The following PDZD2 variants were observed in gnomAD, a reference collection of about 807,000 sequenced individuals.
PDZD2 encodes PDZ domain-containing protein 2.
PDZD2 carries 90 observed loss-of-function variants against 220.7 expected under a neutral mutation model. That is an observed-to-expected ratio of 0.41 (90% confidence interval 0.34 to 0.49). PDZD2 has a LOEUF of 0.49. PDZD2 is among the 20% of genes least tolerant of loss of function. PDZD2 has a pLI of 0.28. For synonymous variants in PDZD2, 1,375 were observed against 1,450.5 expected, an observed-to-expected ratio of 0.95 and a Z score of 1.18; for missense variants, 3,174 against 3,608.5, an observed-to-expected ratio of 0.88 and a Z score of 3.08.
At chr5:32,107,340 T>TTA (rs1186269976) in intron 24 of PDZD2, 1 of 152,208 alleles carries the variant, frequency 6.6e-6, no homozygotes, top group Non-Finnish European at 1.5e-5. Context: ...CCAGAATCTG[T>TTA]TAACAATTAG....
At chr5:32,091,264 C>A (rs2111565152) in intron 20 of PDZD2, 89 bp downstream of exon 20, 2 of 814,956 alleles carry the variant, frequency 2.5e-6, no homozygotes, top group Non-Finnish European at 3.6e-6. Context: ...AAAGATAATG[C>A]AGAGTTCCCA....
At chr5:31,907,941 G>C (rs567615435) in intron 2 of PDZD2, among the ~76,000 whole-genome samples, 1 of 152,078 alleles carries the variant, frequency 6.6e-6, no homozygotes, top group South Asian at 2.1e-4. Flanking sequence ...AAATTAGCCA[G>C]GCATGGTGGT....
intron 1 of PDZD2, among the ~76,000 whole-genome samples, chr5:31,648,368 C>T (rs568730791): frequency 5.3e-5 from 8 of 152,236 alleles, no homozygotes; most frequent in South Asian, 4.1e-4. Context: ...TAGTTCTTTC[C>T]TTCTCCTCCT....
chr5:32,062,950 C>T (rs925683558), intron 14 of PDZD2, among the ~76,000 whole-genome samples: 1 of 151,924 alleles, frequency 6.6e-6, no homozygotes, highest in South Asian at 2.1e-4. Flanking sequence ...CTTGAGCCAA[C>T]GGACATAGTA....
chr5:32,074,678 G>C, intron 18 of PDZD2, 35 bp downstream of exon 18: 2 of 1,410,622 alleles, frequency 1.4e-6, no homozygotes, highest in Non-Finnish European at 2.0e-6. Context: ...TGGAATGGAA[G>C]TGCATGAATA....
intron 2 of PDZD2, among the ~76,000 whole-genome samples, chr5:31,943,853 A>G (rs1485662717): frequency 2.0e-5 from 3 of 152,236 alleles, no homozygotes; most frequent in African/African-American, 7.2e-5. Flanking sequence ...CTAGAAGGGA[A>G]GAAAACTGAA....
At chr5:31,921,210 A>G (rs1460352461) in intron 2 of PDZD2, among the ~76,000 whole-genome samples, 1 of 152,238 alleles carries the variant, frequency 6.6e-6, no homozygotes, top group East Asian at 1.9e-4. Flanking sequence ...AGGATTTGTT[A>G]TCAGGCAGAT....
intron 2 of PDZD2, among the ~76,000 whole-genome samples, chr5:31,891,976 T>G (rs2150348778): frequency 6.6e-6 from 1 of 152,162 alleles, no homozygotes; most frequent in East Asian, 1.9e-4. Flanking sequence ...AGTAGTGCGA[T>G]CATAGCTCAC....
chr5:31,682,438 G>A (rs2150123799), intron 1 of PDZD2, among the ~76,000 whole-genome samples: 1 of 152,210 alleles, frequency 6.6e-6, no homozygotes, highest in South Asian at 2.1e-4. Context: ...TGGGAGAAGT[G>A]GAATGGTACA....
At chr5:31,823,012 T>C (rs950925927) in intron 2 of PDZD2, 18 of 1,187,610 alleles carry the variant, frequency 1.5e-5, no homozygotes, top group African/African-American at 6.1e-5. Flanking sequence ...GAGTTCTACG[T>C]TGATGTGATT....
chr5:31,763,878 A>T (rs1456954773), intron 1 of PDZD2, among the ~76,000 whole-genome samples: 1 of 152,108 alleles, frequency 6.6e-6, no homozygotes, highest in East Asian at 1.9e-4. Flanking sequence ...ATTAAAAAAA[A>T]AAAAAAAAAA....
In PDZD2 at chr5:31,799,023, C is replaced by T; in HGVS notation, c.-226C>T. The T allele has an allele frequency of 1.9e-6, 1 of 531,348 alleles. No individual in the cohort carries two copies. The highest frequency in any genetic ancestry group is 3.1e-5 in the Admixed American group (1 of 31,968). 32.9% of individuals were successfully genotyped at this position (531,348 alleles called of 1,614,324 possible). On this transcript the variant is annotated 5_prime_UTR_variant, in exon 2 of 25. Transcript: ENST00000438447. Reference sequence around the variant, plus strand: ...ACACTTCCTTCCTTCCCTCATTGAGCACTCCAGTGCCATTGTTCCACAGTT... The same window carrying T: ...ACACTTCCTTCCTTCCCTCATTGAGTACTCCAGTGCCATTGTTCCACAGTT...
intron 1 of PDZD2, among the ~76,000 whole-genome samples, chr5:31,717,853 A>C (rs1257707578): frequency 6.6e-6 from 1 of 152,136 alleles, no homozygotes; most frequent in East Asian, 1.9e-4. Flanking sequence ...CTTGCTTCAG[A>C]TGCTCTGTCG....
At chr5:32,028,166 A>G (rs1001613594) in intron 6 of PDZD2, among the ~76,000 whole-genome samples, 1 of 152,188 alleles carries the variant, frequency 6.6e-6, no homozygotes, top group Non-Finnish European at 1.5e-5. Flanking sequence ...GATAAAAGCC[A>G]CGCTTTGCAT....
At chr5:31,688,784 A>G (rs1746972883) in intron 1 of PDZD2, among the ~76,000 whole-genome samples, 1 of 152,124 alleles carries the variant, frequency 6.6e-6, no homozygotes. Context: ...AGTTGACTTA[A>G]TATTTGCTCT....
intron 1 of PDZD2, among the ~76,000 whole-genome samples, chr5:31,772,363 G>C (rs1752386008): frequency 6.6e-6 from 1 of 152,196 alleles, no homozygotes; most frequent in Non-Finnish European, 1.5e-5. Context: ...AGCTTAGACT[G>C]TGTGGTCCAA....
chr5:31,884,831 T>C (rs968761209), intron 2 of PDZD2, among the ~76,000 whole-genome samples: 1 of 152,132 alleles, frequency 6.6e-6, no homozygotes, highest in Admixed American at 6.6e-5. Context: ...TTAGTAGAGA[T>C]AGAGTTTTGC....
At chr5:31,960,211 CTTCT>C (rs1295523814) in intron 2 of PDZD2, among the ~76,000 whole-genome samples, 3 of 148,668 alleles carry the variant, frequency 2.0e-5, no homozygotes, top group Middle Eastern at 3.5e-3. Context: ...CCTTTCCTTC[CTTCT>C]TTCCTTCCTT....
intron 1 of PDZD2, among the ~76,000 whole-genome samples, chr5:31,719,263 A>G (rs568402689): frequency 6.6e-6 from 1 of 152,306 alleles, no homozygotes; most frequent in East Asian, 1.9e-4. Context: ...ATCTAGGAGC[A>G]ACTTTACTAG....
Sources: gnomAD v4.1 joint callset for allele counts (sites outside exome capture counted in the v4.1 genomes callset) on GRCh38, gnomAD v4.1.1 for gene constraint, MANE v1.5 for transcripts, NCBI Gene and HGNC (gene_info 2026-07-23, HGNC 2026-07-21) for gene names.